Variants in NLGN1 observed in about 807,000 individuals in gnomAD.
NLGN1 encodes the protein neuroligin-1.
NLGN1 carries 12 observed loss-of-function variants against 65.5 expected under a neutral mutation model. The ratio of observed to expected loss-of-function variants is 0.18; its 90% CI spans 0.12 to 0.30. NLGN1 has a LOEUF of 0.30. Among genes scored for constraint, NLGN1 ranks in the 10% least tolerant of loss-of-function variants. The pLI is 1.00. For synonymous variants in NLGN1, 350 were observed against 359.5 expected (o/e 0.97, Z 0.30); for missense variants, 750 against 1,007.1 (o/e 0.74, Z 3.46).
At chr3:173,666,147 A>G (rs952398791) in intron 3 of NLGN1, among the ~76,000 whole-genome samples, 1 of 152,234 alleles carries the variant, frequency 6.6e-6, no homozygotes, top group South Asian at 2.1e-4. Flanking sequence ...TTATATGTCA[A>G]TTGACTTTGA....
intron 4 of NLGN1, among the ~76,000 whole-genome samples, chr3:173,853,379 G>A (rs1727349997): frequency 6.6e-6 from 1 of 152,158 alleles, no homozygotes; most frequent in South Asian, 2.1e-4. Context: ...CTGAAAGTCA[G>A]AGAACTGATT....
chr3:174,012,879 T>C (rs997275101), intron 4 of NLGN1, among the ~76,000 whole-genome samples: 1 of 152,186 alleles, frequency 6.6e-6, no homozygotes, highest in Non-Finnish European at 1.5e-5. Context: ...AAGCAAGGGC[T>C]TCAATTTCTT....
At chr3:173,776,548 G>A (rs1345535493) in intron 3 of NLGN1, among the ~76,000 whole-genome samples, 2 of 151,960 alleles carry the variant, frequency 1.3e-5, no homozygotes, top group Admixed American at 6.6e-5. Context: ...ATTACTTCAG[G>A]AATATGTGTG....
chr3:174,243,936 CT>C, intron 4 of NLGN1, among the ~76,000 whole-genome samples: 1 of 152,310 alleles, frequency 6.6e-6, no homozygotes, highest in Non-Finnish European at 1.5e-5. Context: ...CTCATTTGGA[CT>C]CAGATATTCT....
At chr3:173,745,991 T>A (rs2150128209) in intron 3 of NLGN1, among the ~76,000 whole-genome samples, 1 of 152,186 alleles carries the variant, frequency 6.6e-6, no homozygotes, top group Admixed American at 6.5e-5. Context: ...ACTACCTTAG[T>A]GTTCACTGAA....
chr3:174,169,517 A>G (rs755558910), intron 4 of NLGN1, among the ~76,000 whole-genome samples: 1 of 151,962 alleles, frequency 6.6e-6, no homozygotes, highest in Non-Finnish European at 1.5e-5. Context: ...CCGGGCATGG[A>G]GCAGAGAGAG....
intron 4 of NLGN1, among the ~76,000 whole-genome samples, chr3:174,251,483 T>C (rs2152843000): frequency 6.6e-6 from 1 of 152,292 alleles, no homozygotes; most frequent in Non-Finnish European, 1.5e-5. Flanking sequence ...GGTAGCCCTG[T>C]TACATGGGCT....
intron 2 of NLGN1, among the ~76,000 whole-genome samples, chr3:173,571,702 T>A (rs1744681869): frequency 6.6e-6 from 1 of 152,276 alleles, no homozygotes; most frequent in Non-Finnish European, 1.5e-5. Flanking sequence ...TTATGAATCT[T>A]CTTTTCATAG....
In NLGN1 at chr3:173,778,141, T is replaced by C. The variant is rs1398619009; in HGVS notation, c.494-29539T>C. 1.3e-5 allele frequency among the ~76,000 whole-genome samples: 2 copies of C among 151,850 alleles called. 1 individual carries two copies. The highest frequency in any genetic ancestry group is 3.0e-5 in the Non-Finnish European group (2 of 67,756). On this transcript the variant is annotated intron_variant, in intron 3 of 6. Transcript: ENST00000457714. The stretch of plus-strand genomic sequence containing the variant: ...AGGTACAATTTAAGATAACACACAA[T>C]TTCTTTAGTGTCTGTTTTTTTAAAA...
At chr3:173,949,012 CCT>C (rs1747709751) in intron 4 of NLGN1, among the ~76,000 whole-genome samples, 1 of 151,628 alleles carries the variant, frequency 6.6e-6, no homozygotes. Flanking sequence ...TTTGCAGACA[CCT>C]CTCTTCACTA....
At chr3:173,934,446 C>T (rs1461069542) in intron 4 of NLGN1, among the ~76,000 whole-genome samples, 6 of 151,632 alleles carry the variant, frequency 4.0e-5, no homozygotes, top group African/African-American at 1.5e-4. Context: ...GAATTATCAG[C>T]AAATATTTTT....
intron 2 of NLGN1, among the ~76,000 whole-genome samples, chr3:173,520,082 T>C (rs1734509318): frequency 6.6e-6 from 1 of 152,194 alleles, no homozygotes; most frequent in African/African-American, 2.4e-5. Flanking sequence ...CTCCTCTCTC[T>C]CTTCTCCTGC....
chr3:173,811,166 A>G (rs1001307898), intron 4 of NLGN1, among the ~76,000 whole-genome samples: 1 of 152,208 alleles, frequency 6.6e-6, no homozygotes, highest in Admixed American at 6.5e-5. Flanking sequence ...TTCAGCATCT[A>G]TTATTTGATA....
intron 4 of NLGN1, among the ~76,000 whole-genome samples, chr3:173,951,069 G>A (rs1748109959): frequency 2.0e-5 from 3 of 152,104 alleles, no homozygotes; most frequent in East Asian, 2.0e-4. Context: ...GTTTCACCAT[G>A]TTGGCCAGGC....
chr3:173,585,084 A>T (rs548025259), intron 2 of NLGN1: 1 of 152,364 alleles, frequency 6.6e-6, no homozygotes, highest in East Asian at 1.9e-4. Flanking sequence ...GTTTTGTGCC[A>T]CTGCGCGGAA....
chr3:173,588,549 A>G (rs1043544136), intron 2 of NLGN1, among the ~76,000 whole-genome samples: 1 of 152,240 alleles, frequency 6.6e-6, no homozygotes, highest in African/African-American at 2.4e-5. Context: ...CTAGTGAATC[A>G]TTCCAGGAGT....
At chr3:173,866,582 T>A (rs554784686) in intron 4 of NLGN1, among the ~76,000 whole-genome samples, 1 of 152,328 alleles carries the variant, frequency 6.6e-6, no homozygotes, top group Non-Finnish European at 1.5e-5. Context: ...AATTGACTTA[T>A]ATACAGTTGA....
chr3:173,811,511 G>A (rs1717921546), intron 4 of NLGN1, among the ~76,000 whole-genome samples: 1 of 148,232 alleles, frequency 6.7e-6, no homozygotes, highest in Non-Finnish European at 1.5e-5. Context: ...AGGTTGCAGT[G>A]AGCTGAGATT....
intron 4 of NLGN1, among the ~76,000 whole-genome samples, chr3:174,246,744 T>G (rs1323933247): frequency 7.9e-4 from 20 of 25,468 alleles, no homozygotes; most frequent in Non-Finnish European, 1.3e-3. Context: ...AATAAAGCTA[T>G]TTTTTTTTTT....
Sources: gnomAD v4.1 joint callset for allele counts (sites outside exome capture counted in the v4.1 genomes callset) on GRCh38, gnomAD v4.1.1 for gene constraint, MANE v1.5 for transcripts, NCBI Gene and HGNC (gene_info 2026-07-23, HGNC 2026-07-21) for gene names.